Variants in CEP120 observed in about 807,000 individuals in gnomAD.
CEP120 encodes centrosomal protein 120, also known as centrosomal protein of 120 kDa.
A neutral mutation model predicts 126.5 loss-of-function variants in CEP120; 113 were observed. The observed-to-expected ratio is 0.89, with a 90% CI of 0.77 to 1.04. CEP120 has a LOEUF of 1.04. Among genes scored for constraint, CEP120 ranks in the 50% least tolerant of loss-of-function variants. CEP120 has a pLI of 0.00. For synonymous variants in CEP120, 400 were observed against 394.3 expected (o/e 1.01, Z -0.17); for missense variants, 1,230 against 1,155.7 (o/e 1.06, Z -0.93).
At chr5:123,381,301 T>C (rs1360301720) in intron 14 of CEP120, among the ~76,000 whole-genome samples, 3 of 152,064 alleles carry the variant, frequency 2.0e-5, no homozygotes, top group Non-Finnish European at 4.4e-5. Flanking sequence ...GCAATCTTGC[T>C]GAGCTGAGAA....
chr5:123,377,545 A>C lies in CEP120; in HGVS notation c.2197-10T>G, dbSNP rs200552216. On this transcript the variant is annotated splice_polypyrimidine_tract_variant and intron_variant, in intron 15 of 19. Coordinates refer to ENST00000306467, the MANE Select transcript of CEP120 (RefSeq NM_001375405.1). ...TTTTTTCTCTTTGAAGCTTAAAACA[A>C]AGGCATCTTTAAGAGGTTGGTTTAT... 13 of 1,570,964 alleles carry C rather than the reference A, an allele frequency of 8.3e-6. No homozygotes were observed. In the African/African-American group the frequency reaches 1.2e-4, roughly 15 times the overall value.
chr5:123,418,544 A>C, intron 1 of CEP120, 29 bp from the exon 2 acceptor site: 3 of 1,520,186 alleles, frequency 2.0e-6, no homozygotes, highest in Non-Finnish European at 2.7e-6. Flanking sequence ...TAGATTAATC[A>C]AAAGTGTACA....
At chr5:123,348,492 G>A (rs1013084362) in intron 19 of CEP120, among the ~76,000 whole-genome samples, 6 of 152,158 alleles carry the variant, frequency 3.9e-5, no homozygotes, top group African/African-American at 1.4e-4. Context: ...CTGAATAAAT[G>A]AGAATAAAAG....
chr5:123,346,269 T>G lies in CEP120; in HGVS notation c.*250A>C. ...TTTGAAAGTTAGTTAGCCATCAGAT[T>G]ATAAACTATGAAAAACACTGAAAAG... On this transcript the variant is annotated 3_prime_UTR_variant, in exon 20 of 20. Coordinates refer to ENST00000306467, the MANE Select transcript of CEP120 (RefSeq NM_001375405.1). 2.6e-6 allele frequency: 1 copy of G among 381,228 alleles called. No homozygotes were observed. Among genetic ancestry groups the G allele is most frequent in the South Asian group, 5.4e-5 (1 of 18,668 alleles). 23.6% of individuals were successfully genotyped at this position (381,228 alleles called of 1,614,324 possible).
intron 4 of CEP120, chr5:123,401,269 C>T (rs1032588524): frequency 3.5e-5 from 57 of 1,609,384 alleles, no homozygotes; most frequent in Admixed American, 1.5e-4. Flanking sequence ...CGCTGCAGGG[C>T]GGCCTCCAGC....
rs369487998 is a variant in CEP120, at chr5:123,391,237, G to A, written c.911C>T (p.Thr304Ile). Residue 304 changes from threonine to isoleucine, a missense_variant, in exon 7 of 20, where the codon ACA (threonine) becomes ATA (isoleucine). By Grantham distance (89) the Thr-to-Ile change is moderately conservative (BLOSUM62 -1). Coordinates refer to ENST00000306467, the MANE Select transcript of CEP120 (RefSeq NM_001375405.1). ...GSTEINQHPV[T>I]VEGAFTLDPP... Reference sequence around the variant, plus strand: ...GTCAAGGGTAAAAGCACCTTCGACTGTGACTGGGTGCTGGTTGATTTCTGT... The same window carrying A: ...GTCAAGGGTAAAAGCACCTTCGACTATGACTGGGTGCTGGTTGATTTCTGT... 5 of 1,614,004 alleles carry A rather than the reference G, an allele frequency of 3.1e-6. No individual in the cohort carries two copies. The African/African-American group carries it at 6.7e-5, about 22-fold the overall frequency.
chr5:123,396,758 A>G (rs1772817297), intron 5 of CEP120, among the ~76,000 whole-genome samples: 1 of 152,220 alleles, frequency 6.6e-6, no homozygotes, highest in Non-Finnish European at 1.5e-5. Context: ...ACTCATTAAG[A>G]GGCAAGAGAG....
chr5:123,349,808 T>C (rs1561986690), intron 19 of CEP120, 136 bp downstream of exon 19: 3 of 690,964 alleles, frequency 4.3e-6, no homozygotes, highest in East Asian at 2.9e-5. Context: ...CCAGCTGGCA[T>C]AGATTTTCTA....
chr5:123,412,480 T>G lies in CEP120; in HGVS notation c.382A>C (p.Ile128Leu). The change falls in exon 4 of 20, where the codon ATA becomes CTA. Residue 128 changes from isoleucine (I) to leucine (L), a missense_variant. Coordinates refer to ENST00000306467, the MANE Select transcript of CEP120 (RefSeq NM_001375405.1). ...GTATCGGTTTCCAAAGCAATACTTA[T>G]CTGTATCTCAGACTTGAATTTGGTG... Reference protein sequence around the residue: ...KYTKFKSEIQISIALETDTKP... With the variant: ...KYTKFKSEIQLSIALETDTKP... 1 of 1,612,080 alleles carries G rather than the reference T, an allele frequency of 6.2e-7. No individual in the cohort carries two copies. Among genetic ancestry groups the G allele is most frequent in the Non-Finnish European group, 8.5e-7 (1 of 1,179,022 alleles).
At chr5:123,405,990 C>T (rs1476260948) in intron 4 of CEP120, among the ~76,000 whole-genome samples, 1 of 151,728 alleles carries the variant, frequency 6.6e-6, no homozygotes, top group Non-Finnish European at 1.5e-5. Context: ...ATAATGGGAG[C>T]AGAAAGATGC....
rs538486249 is a variant in CEP120 at position 123,357,562 on chromosome 5, C to T, written c.2580+6934G>A. ...TGAGCACAAGACATAAACAGGCACT[C>T]CACAGATGAAGAAATGTAAGTGGCG... On this transcript the variant is annotated intron_variant, in intron 18 of 19. Transcript: ENST00000306467. Among the ~76,000 whole-genome samples, 5 of 152,164 alleles carry T rather than the reference C, an allele frequency of 3.3e-5. No homozygotes were observed. In the South Asian group the frequency reaches 6.2e-4, roughly 19 times the overall value.
chr5:123,375,285 A>G (rs1388098605), intron 16 of CEP120, among the ~76,000 whole-genome samples: 1 of 152,066 alleles, frequency 6.6e-6, no homozygotes, highest in Non-Finnish European at 1.5e-5. Flanking sequence ...TATTCCTACA[A>G]AGAAGTAAAC....
intron 18 of CEP120, among the ~76,000 whole-genome samples, chr5:123,356,745 A>C (rs1769660404): frequency 6.6e-6 from 1 of 152,106 alleles, no homozygotes; most frequent in Non-Finnish European, 1.5e-5. Context: ...ACATACTTTA[A>C]ACATTTCACT....
At chr5:123,394,435 C>T (rs747518163) in intron 5 of CEP120, among the ~76,000 whole-genome samples, 3 of 152,130 alleles carry the variant, frequency 2.0e-5, no homozygotes, top group Admixed American at 6.5e-5. Context: ...CAATAAGGTT[C>T]GTGCTCCTAT....
chr5:123,364,033 A>G (rs1271761976), intron 18 of CEP120, among the ~76,000 whole-genome samples: 5 of 151,570 alleles, frequency 3.3e-5, no homozygotes, highest in Admixed American at 3.3e-4. Context: ...AACTTCTATC[A>G]AAGTTTTTAA....
chr5:123,418,652 A>C, intron 1 of CEP120, 137 bp from the exon 2 acceptor site: 1 of 670,006 alleles, frequency 1.5e-6, no homozygotes, highest in Non-Finnish European at 2.3e-6. Flanking sequence ...GCTGGAGTTC[A>C]GTAGCGCAAT....
intron 4 of CEP120, among the ~76,000 whole-genome samples, chr5:123,406,189 C>A (rs187895615): frequency 1.3e-5 from 2 of 148,452 alleles, no homozygotes; most frequent in African/African-American, 2.5e-5. Context: ...AAAAAAAAAA[C>A]CACAGAACAG....
intron 4 of CEP120, among the ~76,000 whole-genome samples, chr5:123,409,367 C>G (rs1050285705): frequency 8.5e-5 from 13 of 152,124 alleles, no homozygotes; most frequent in African/African-American, 3.1e-4. Flanking sequence ...AGGTACAAGA[C>G]AAGGATGTCC....
chr5:123,419,935 T>C (rs1388401620), intron 1 of CEP120, among the ~76,000 whole-genome samples: 3 of 152,296 alleles, frequency 2.0e-5, no homozygotes, highest in African/African-American at 7.2e-5. Flanking sequence ...TTAAGGTGGA[T>C]CTTATTGAGG....
Sources: allele counts gnomAD v4.1 joint callset (sites outside exome capture counted in the v4.1 genomes callset), GRCh38; gene constraint gnomAD v4.1.1; transcripts MANE v1.5; gene names NCBI Gene and HGNC (gene_info 2026-07-23, HGNC 2026-07-21).